The following ZNF124 variants were observed in gnomAD, a reference collection of about 807,000 sequenced individuals.
ZNF124 encodes the protein zinc finger protein 124, also known as zinc finger protein HZF-16.
Under a neutral mutation model 26.6 loss-of-function variants are expected in ZNF124, and 25 were observed. The observed-to-expected ratio is 0.94, with a 90% CI of 0.68 to 1.31. The LOEUF is 1.31. ZNF124 is among the 40% of genes most tolerant of loss of function. The pLI, the probability that ZNF124 is intolerant of heterozygous loss-of-function variation, is 0.00. For missense variants in ZNF124, 444 were observed against 422.2 expected, an observed-to-expected ratio of 1.05 and a Z score of -0.45; for synonymous variants, 129 against 133.3, an observed-to-expected ratio of 0.97 and a Z score of 0.22.
intron 3 of ZNF124, among the ~76,000 whole-genome samples, chr1:247,140,586 G>T (rs1163418920): frequency 6.6e-6 from 1 of 152,200 alleles, no homozygotes; most frequent in Non-Finnish European, 1.5e-5. Context: ...TCTTTCTCAT[G>T]TCTGCAGGTG....
Position 247,156,838 on chromosome 1 carries a change from A to G in ZNF124, c.784T>C (p.Tyr262His). 6.2e-7 allele frequency: 1 copy of G among 1,614,202 alleles called. No individual in the cohort carries two copies. The change falls in exon 4 of 4, where the codon TAT becomes CAT. Residue 262 changes from tyrosine to histidine, a missense_variant. Physicochemically the swap from Tyr to His is moderately conservative, Grantham distance 83. Coordinates refer to ENST00000543802, the MANE Select transcript of ZNF124 (RefSeq NM_001297568.2). ...GCTTTCCCACATTGCTTACATGGAT[A>G]GGGTTCTTCACCAGCATGAGCCTTT... The part of the protein sequence containing the change: ...HIKAHAGEEP[Y>H]PCKQCGKAFR...
intron 1 of ZNF124, among the ~76,000 whole-genome samples, chr1:247,160,753 ATAT>A (rs1673433805): frequency 6.6e-6 from 1 of 152,216 alleles, no homozygotes; most frequent in Non-Finnish European, 1.5e-5. Context: ...CTGGTAGATA[ATAT>A]TTCATATATG....
At chr1:247,123,571 C>T (rs967237304) in exon 4 of ZNF124, 3 of 385,804 alleles carry the variant, frequency 7.8e-6, no homozygotes, top group East Asian at 3.9e-5. Flanking sequence ...ATTAGCAAAT[C>T]GACCATTTCC....
rs779151204 is a variant in ZNF124 at position 247,157,610 on chromosome 1, C to G, written c.219-207G>C. The stretch of plus-strand genomic sequence containing the variant: ...TCATTAATGGTTTATTAGTTATTTT[C>G]TTTTATTACTAAGTCTGAACTTACA... On this transcript the variant is annotated intron_variant, in intron 3 of 3. Coordinates refer to ENST00000543802, the MANE Select transcript of ZNF124 (RefSeq NM_001297568.2). The G allele has an allele frequency of 1.3e-5, 8 of 601,668 alleles. No homozygotes were observed. In the East Asian group the frequency reaches 2.3e-4, roughly 17 times the overall value. The allele number at this position is 601,668 out of a possible 1,614,324, so 37.3% of individuals were successfully genotyped here.
At chr1:247,153,166 C>T (rs1672996415), downstream of ZNF124, among the ~76,000 whole-genome samples, 1 of 151,702 alleles carries the variant, frequency 6.6e-6, no homozygotes, top group Non-Finnish European at 1.5e-5. Flanking sequence ...AAATCCAATA[C>T]TCTGCACTGA....
chr1:247,151,059 A>G (rs1332847596), downstream of ZNF124, among the ~76,000 whole-genome samples: 1 of 152,166 alleles, frequency 6.6e-6, no homozygotes, highest in African/African-American at 2.4e-5. Context: ...TAAGTCTTCA[A>G]AATAGAGGTT....
intron 3 of ZNF124, among the ~76,000 whole-genome samples, chr1:247,145,529 T>C (rs1388423423): frequency 6.6e-6 from 1 of 152,152 alleles, no homozygotes; most frequent in African/African-American, 2.4e-5. Context: ...GAACCACAAG[T>C]CTGGCTGCAG....
rs1219569373 is a variant in ZNF124 at position 247,149,119 on chromosome 1, C to A, written c.218+9887G>T. 2.0e-5 allele frequency among the ~76,000 whole-genome samples: 3 copies of A among 152,156 alleles called. No homozygotes were observed. The East Asian group carries it at 5.8e-4, about 29-fold the overall frequency. On this transcript the variant is annotated intron_variant, in intron 3 of 3. Transcript: ENST00000472531. ...ACCTGAAGATACACATCCTTCAAGTCTGTTTCTTTCATTTAAAAAAATCCT... is the reference window on the plus strand; with the variant it reads ...ACCTGAAGATACACATCCTTCAAGTATGTTTCTTTCATTTAAAAAAATCCT...
At chr1:247,154,866 T>C (rs753422354), downstream of ZNF124, among the ~76,000 whole-genome samples, 1 of 152,184 alleles carries the variant, frequency 6.6e-6, no homozygotes, top group African/African-American at 2.4e-5. Flanking sequence ...TGATATACCA[T>C]GTTAACAGAA....
downstream of ZNF124, among the ~76,000 whole-genome samples, chr1:247,150,685 A>G (rs1572074221): frequency 6.6e-6 from 1 of 152,206 alleles, no homozygotes; most frequent in Non-Finnish European, 1.5e-5. Context: ...TTCTATTAAA[A>G]TTAAGACCTT....
rs143247869 is a variant in ZNF124 at position 247,130,082 on chromosome 1, C to A, written c.219-6211G>T. On this transcript the variant is annotated intron_variant, in intron 3 of 3. Coordinates refer to the ZNF124 transcript ENST00000472531. The stretch of plus-strand genomic sequence containing the variant: ...GTCCGTGCTCGTCAGTACTGCTACT[C>A]GTTTGTCACCTTGAAAATACTTGTT... Among the ~76,000 whole-genome samples the A allele has an allele frequency of 5.1e-4, 78 of 152,230 alleles. No homozygotes were observed. In the East Asian group the frequency reaches 0.014, roughly 27 times the overall value.
At chr1:247,122,469 A>G (rs1287464751) in exon 4 of ZNF124, 4 of 152,516 alleles carry the variant, frequency 2.6e-5, no homozygotes, top group Non-Finnish European at 5.9e-5. Context: ...ATTCCCACCA[A>G]CAGTGAAGTG....
rs141875625 is a variant in ZNF124, at chr1:247,157,009, G to C, written c.613C>G (p.Pro205Ala). 1.8e-4 allele frequency: 296 copies of C among 1,613,846 alleles called. No individual in the cohort carries two copies. Among genetic ancestry groups the C allele is most frequent in the Non-Finnish European group, 2.5e-4 (292 of 1,179,998 alleles). Residue 205 changes from proline (P) to alanine (A), a missense_variant, in exon 4 of 4, where the codon CCC becomes GCC. Pro to Ala is a conservative substitution (Grantham distance 27, BLOSUM62 -1). Coordinates refer to ENST00000543802, the MANE Select transcript of ZNF124 (RefSeq NM_001297568.2). The stretch of plus-strand genomic sequence containing the variant: ...TTCCCACAGTGCTTACATTCATAGG[G>C]TTTCTCTCCAGTATGAGTTCTTTCA... ...DHERTHTGEKPYECKHCGKAF... is the reference protein window; with the variant it reads ...DHERTHTGEKAYECKHCGKAF...
At chr1:247,159,136 C>A in intron 2 of ZNF124, 70 bp from the exon 3 acceptor site, 1 of 1,442,494 alleles carries the variant, frequency 6.9e-7, no homozygotes, top group Non-Finnish European at 9.5e-7. Flanking sequence ...ACTCTAGGTG[C>A]TATGTTGGGG....
At chr1:247,169,959 G>A (rs1168149486) in intron 1 of ZNF124, among the ~76,000 whole-genome samples, 1 of 99,384 alleles carries the variant, frequency 1.0e-5, no homozygotes, top group Non-Finnish European at 2.0e-5. Context: ...TTGTCTTCTG[G>A]GAGAAGAGGA....
chr1:247,146,844 G>C (rs557062749), intron 3 of ZNF124, among the ~76,000 whole-genome samples: 5 of 152,144 alleles, frequency 3.3e-5, no homozygotes, highest in South Asian at 2.1e-4. Context: ...TCCCAAGCCC[G>C]AATCTGTCTC....
intron 1 of ZNF124, among the ~76,000 whole-genome samples, chr1:247,161,402 A>G (rs1673470770): frequency 6.6e-6 from 1 of 152,208 alleles, no homozygotes; most frequent in African/African-American, 2.4e-5. Context: ...GACCTCTATT[A>G]GTTGGACAAT....
In ZNF124 at chr1:247,155,175, T is replaced by A. The variant is rs1673057160; in HGVS notation, c.*1391A>T. 6.6e-6 allele frequency among the ~76,000 whole-genome samples: 1 copy of A among 152,108 alleles called. No individual in the cohort carries two copies. On this transcript the variant is annotated 3_prime_UTR_variant, in exon 4 of 4. Coordinates refer to ENST00000543802, the MANE Select transcript of ZNF124 (RefSeq NM_001297568.2). ...CAATGTAAAGAACAACAGATGAAAA[T>A]AATAATTCACGTGAGAATATACTCT...
chr1:247,159,976 GTTCTTTTTTTTT>G, intron 1 of ZNF124, 163 bp from the exon 2 acceptor site: 1 of 246,190 alleles, frequency 4.1e-6, no homozygotes, highest in Non-Finnish European at 6.7e-6. Context: ...CCACATAGCA[GTTCTTTTTTTTT>G]TTTTTTTTTT....
Sources: allele counts gnomAD v4.1 joint callset (sites outside exome capture counted in the v4.1 genomes callset), GRCh38; gene constraint gnomAD v4.1.1; transcripts MANE v1.5; gene names NCBI Gene and HGNC (gene_info 2026-07-23, HGNC 2026-07-21).